DSCAML1: variants seen among roughly 807,000 people sequenced by gnomAD.
DSCAML1 encodes the protein cell adhesion molecule DSCAML1.
Under a neutral mutation model 200.5 loss-of-function variants are expected in DSCAML1, and 38 were observed. The ratio of observed to expected loss-of-function variants is 0.19; its 90% CI spans 0.15 to 0.25. The LOEUF is 0.25. Ranked by LOEUF, DSCAML1 falls within the 10% of genes least tolerant of loss-of-function variation. The pLI, the probability that DSCAML1 is intolerant of heterozygous loss-of-function variation, is 1.00. For missense variants in DSCAML1, 2,223 were observed against 2,858.8 expected (o/e 0.78, Z 5.07); for synonymous variants, 1,215 against 1,165.0 (o/e 1.04, Z -0.87).
At chr11:117,458,993 A>AC in intron 18 of DSCAML1, 84 bp from the exon 19 acceptor site, 1 of 1,528,286 alleles carries the variant, frequency 6.5e-7, no homozygotes, top group Admixed American at 1.8e-5. Flanking sequence ...GGCTCTGCCC[A>AC]CACCTACTGC....
chr11:117,667,954 C>T lies in DSCAML1; in HGVS notation c.511+108837G>A, dbSNP rs138112746. On this transcript the variant is annotated intron_variant, in intron 3 of 32. Transcript: ENST00000651296. ...GATCTACTACTGCTCATTAGGTGCCCGATGTCAGAGAAAGCAAGTTGACCT... is the reference window on the plus strand; with the variant it reads ...GATCTACTACTGCTCATTAGGTGCCTGATGTCAGAGAAAGCAAGTTGACCT... Among the ~76,000 whole-genome samples, 650 of 152,240 alleles carry T rather than the reference C, an allele frequency of 4.3e-3. 4 individuals are homozygous for T. The highest frequency in any genetic ancestry group is 0.015 in the African/African-American group (607 of 41,538).
At chr11:117,743,003 T>TCATCCATCCATCCATCCATCCATCCATC (rs60601984) in intron 3 of DSCAML1, among the ~76,000 whole-genome samples, 1 of 150,892 alleles carries the variant, frequency 6.6e-6, no homozygotes, top group African/African-American at 2.4e-5. Flanking sequence ...CACTCCACTT[T>TCATCCATCCATCCATCCATCCATCCATC]CATCCATCCA....
intron 1 of DSCAML1, among the ~76,000 whole-genome samples, chr11:117,789,804 G>T (rs992725547): frequency 2.0e-5 from 3 of 152,160 alleles, no homozygotes; most frequent in Admixed American, 1.3e-4. Flanking sequence ...CCACAACAGG[G>T]TTTGACTCAT....
chr11:117,759,460 G>A (rs11820402), intron 3 of DSCAML1, among the ~76,000 whole-genome samples: 1,561 of 152,218 alleles, frequency 0.01, 25 homozygotes, highest in African/African-American at 0.035. Context: ...GGGGGGCCTC[G>A]TCCCCAGGGC....
At chr11:117,664,678 C>T (rs1289657772) in intron 3 of DSCAML1, among the ~76,000 whole-genome samples, 2 of 152,162 alleles carry the variant, frequency 1.3e-5, no homozygotes, top group Non-Finnish European at 1.5e-5. Flanking sequence ...TTTTGGTTGA[C>T]GAGTGTTATG....
At chr11:117,778,172 G>C (rs1173900320) in intron 2 of DSCAML1, among the ~76,000 whole-genome samples, 1 of 152,234 alleles carries the variant, frequency 6.6e-6, no homozygotes, top group Non-Finnish European at 1.5e-5. Flanking sequence ...CCAAGCTGTG[G>C]CTGTGATGAG....
chr11:117,738,129 A>G (rs1427649693), intron 3 of DSCAML1, among the ~76,000 whole-genome samples: 4 of 152,284 alleles, frequency 2.6e-5, no homozygotes, highest in African/African-American at 9.6e-5. Context: ...GTGTGTGTAC[A>G]TCTATATACA....
intron 3 of DSCAML1, among the ~76,000 whole-genome samples, chr11:117,753,028 C>G (rs1376323307): frequency 2.6e-5 from 4 of 152,124 alleles, no homozygotes; most frequent in African/African-American, 9.7e-5. Context: ...CAGCAAGTAA[C>G]TGCACGGACT....
chr11:117,496,261 A>G (rs1445354879), intron 11 of DSCAML1, among the ~76,000 whole-genome samples: 1 of 152,102 alleles, frequency 6.6e-6, no homozygotes, highest in Non-Finnish European at 1.5e-5. Context: ...GGGTGCTTCA[A>G]TCTTGCCTTT....
intron 3 of DSCAML1, among the ~76,000 whole-genome samples, chr11:117,752,697 G>C (rs1468923206): frequency 6.6e-6 from 1 of 152,240 alleles, no homozygotes; most frequent in African/African-American, 2.4e-5. Context: ...ATTCTGCTAA[G>C]AACTGTTTCT....
chr11:117,467,193 A>AC (rs757481843), intron 16 of DSCAML1, among the ~76,000 whole-genome samples: 10,217 of 108,598 alleles, frequency 0.094, 1,095 homozygotes, highest in East Asian at 0.38. Context: ...GTGCACACAC[A>AC]CCTCCCCCCT....
chr11:117,725,018 A>G (rs4938437), intron 3 of DSCAML1, among the ~76,000 whole-genome samples: 149,315 of 152,310 alleles, frequency 0.98, 73,271 homozygotes, highest in Middle Eastern at 1. Flanking sequence ...CTAGACTGGC[A>G]GAGGTGGGCC....
chr11:117,714,281 C>CT (rs1039063281), intron 3 of DSCAML1, among the ~76,000 whole-genome samples: 6 of 152,168 alleles, frequency 3.9e-5, no homozygotes, highest in African/African-American at 1.2e-4. Context: ...TTCTTTGTCC[C>CT]TTTTCTGAAA....
intron 4 of DSCAML1, among the ~76,000 whole-genome samples, chr11:117,528,932 G>A (rs1225444280): frequency 5.0e-5 from 4 of 79,330 alleles, no homozygotes; most frequent in Admixed American, 1.4e-4. Context: ...GCCGCCCCCC[G>A]CCCCCCCCCT....
chr11:117,629,179 C>T (rs1291024094), intron 3 of DSCAML1, among the ~76,000 whole-genome samples: 12 of 152,186 alleles, frequency 7.9e-5, no homozygotes, highest in African/African-American at 2.7e-4. Context: ...AGCTCTACTT[C>T]AAGCATAAAT....
intron 3 of DSCAML1, among the ~76,000 whole-genome samples, chr11:117,753,255 A>G (rs911568249): frequency 6.6e-6 from 1 of 152,190 alleles, no homozygotes; most frequent in African/African-American, 2.4e-5. Context: ...ATAAATGATG[A>G]TGGTGACGAA....
intron 3 of DSCAML1, among the ~76,000 whole-genome samples, chr11:117,620,024 T>C (rs917468934): frequency 6.6e-6 from 1 of 152,172 alleles, no homozygotes; most frequent in African/African-American, 2.4e-5. Flanking sequence ...TTAAGAAAAA[T>C]TAGCAAATTT....
chr11:117,778,126 C>G (rs1311736651), intron 2 of DSCAML1, among the ~76,000 whole-genome samples: 2 of 152,234 alleles, frequency 1.3e-5, no homozygotes, highest in East Asian at 3.9e-4. Flanking sequence ...CCTGGCTCTT[C>G]CCGGCCCTCC....
At chr11:117,496,872 T>TG (rs2049298613) in intron 11 of DSCAML1, among the ~76,000 whole-genome samples, 1 of 152,228 alleles carries the variant, frequency 6.6e-6, no homozygotes, top group Non-Finnish European at 1.5e-5. Context: ...TTGTTCCACA[T>TG]GGAGACTGTT....
Sources: gnomAD v4.1 joint callset for allele counts (sites outside exome capture counted in the v4.1 genomes callset) on GRCh38, gnomAD v4.1.1 for gene constraint, MANE v1.5 for transcripts, NCBI Gene and HGNC (gene_info 2026-07-23, HGNC 2026-07-21) for gene names.